Variants in UTRN observed in about 807,000 individuals in gnomAD.
The protein encoded by UTRN is dystrophin-related protein 1.
Under a neutral mutation model 463.9 loss-of-function variants are expected in UTRN, and 283 were observed. The observed-to-expected ratio is 0.61, with a 90% CI of 0.55 to 0.67. The LOEUF is 0.67. Among genes scored for constraint, UTRN ranks in the 30% least tolerant of loss-of-function variants. The pLI, the probability that UTRN is intolerant of heterozygous loss-of-function variation, is 0.00. For synonymous variants in UTRN, 1,442 were observed against 1,431.5 expected (o/e 1.01, Z -0.17); for missense variants, 3,922 against 4,084.3 (o/e 0.96, Z 1.08).
At chr6:144,341,337 T>C (rs1281571311) in intron 2 of UTRN, among the ~76,000 whole-genome samples, 2 of 152,242 alleles carry the variant, frequency 1.3e-5, no homozygotes, top group South Asian at 2.1e-4. Context: ...TGTATAGTTT[T>C]TGTTCTGTTT....
At chr6:144,782,171 T>C (rs1200513050) in intron 61 of UTRN, 48 bp downstream of exon 61, 2 of 1,453,274 alleles carry the variant, frequency 1.4e-6, no homozygotes, top group Middle Eastern at 1.8e-4. Context: ...GAATGAAATA[T>C]GTTAATAGAA....
intron 34 of UTRN, among the ~76,000 whole-genome samples, chr6:144,503,746 A>G (rs1794441091): frequency 6.6e-6 from 1 of 152,154 alleles, no homozygotes; most frequent in Non-Finnish European, 1.5e-5. Context: ...TTGTTTCCAT[A>G]TGAAATTTAC....
chr6:144,842,841 C>CA (rs1781705514), intron 73 of UTRN, among the ~76,000 whole-genome samples: 2 of 151,754 alleles, frequency 1.3e-5, no homozygotes, highest in Non-Finnish European at 2.9e-5. Context: ...CACATGCATG[C>CA]ATGTGCACAC....
intron 44 of UTRN, among the ~76,000 whole-genome samples, chr6:144,538,686 A>G (rs1797748776): frequency 6.6e-6 from 1 of 152,096 alleles, no homozygotes; most frequent in East Asian, 1.9e-4. Flanking sequence ...AAAAAAAAAA[A>G]AGAAATTATG....
rs942994251 is a variant in UTRN at position 144,404,272 on chromosome 6, G to A, written c.141+1088G>A. ...AAATACAGAGAATTAGAACATAAAG[G>A]TGCTTGCATAATTGGCAGTTATATG... On this transcript the variant is annotated intron_variant, in intron 3 of 74. Transcript: ENST00000367545. 7.9e-5 allele frequency among the ~76,000 whole-genome samples: 12 copies of A among 152,140 alleles called. No homozygotes were observed. In the East Asian group the frequency reaches 2.3e-3, roughly 29 times the overall value.
rs61418377 is a variant in UTRN at position 144,672,603 on chromosome 6, T to G, written c.7480-5803T>G. ...AATGGTCTATCAGTTTTATTTATCT[T>G]TTCAAAGAACCAGCTCTTTGTTTCA... On this transcript the variant is annotated intron_variant, in intron 51 of 74. Transcript: ENST00000367545. Among the ~76,000 whole-genome samples, 409 of 152,204 alleles carry G rather than the reference T, an allele frequency of 2.7e-3. 15 individuals are homozygous for G. The East Asian group carries it at 0.057, about 21-fold the overall frequency.
At chr6:144,406,518 C>T (rs1284741138) in intron 3 of UTRN, among the ~76,000 whole-genome samples, 2 of 152,088 alleles carry the variant, frequency 1.3e-5, no homozygotes, top group Admixed American at 1.3e-4. Flanking sequence ...GGGCGCATGT[C>T]ACCATGCCCA....
chr6:144,547,837 G>T (rs1326644380), intron 46 of UTRN, among the ~76,000 whole-genome samples: 1 of 152,050 alleles, frequency 6.6e-6, no homozygotes, highest in African/African-American at 2.4e-5. Flanking sequence ...CCAGAAATTT[G>T]AATTAATGAT....
Position 144,803,077 on chromosome 6 carries a change from G to A in UTRN, c.9287G>A (p.Ser3096Asn). Residue 3096 changes from serine to asparagine, a missense_variant, in exon 65 of 75, where the codon AGT (serine) becomes AAT (asparagine). Ser to Asn is a conservative substitution (Grantham distance 46). Transcript: ENST00000367545. ...LKHFNYDVCQ[S>N]CFFSGRTAKG... ...CATTTTAACTATGATGTCTGCCAGA[G>A]TTGTTTCTTTTCGGGTCGAACAGCA... 6.3e-7 allele frequency: 1 copy of A among 1,593,340 alleles called. No homozygotes were observed. Among genetic ancestry groups the A allele is most frequent in the Non-Finnish European group, 8.5e-7 (1 of 1,170,780 alleles).
intron 2 of UTRN, among the ~76,000 whole-genome samples, chr6:144,349,077 C>T (rs1251982196): frequency 1.3e-5 from 2 of 151,888 alleles, no homozygotes; most frequent in African/African-American, 4.8e-5. Flanking sequence ...GATGGGATCT[C>T]GGCTCACTGC....
intron 54 of UTRN, among the ~76,000 whole-genome samples, chr6:144,735,051 C>T (rs1411039370): frequency 6.6e-6 from 1 of 152,116 alleles, no homozygotes; most frequent in Non-Finnish European, 1.5e-5. Flanking sequence ...TGAAAGAATA[C>T]GCATGAGCTG....
chr6:144,567,635 C>T (rs1800524286), intron 50 of UTRN, among the ~76,000 whole-genome samples: 1 of 152,118 alleles, frequency 6.6e-6, no homozygotes, highest in Non-Finnish European at 1.5e-5. Flanking sequence ...AACAAAATTA[C>T]CTTGTGAAGG....
At chr6:144,421,813 C>T in intron 3 of UTRN, 65 bp from the exon 4 acceptor site, 1 of 1,244,936 alleles carries the variant, frequency 8.0e-7, no homozygotes, top group East Asian at 2.7e-5. Context: ...ATTTATTTGC[C>T]CAGGTATATA....
At chr6:144,529,024 C>T (rs1796804499) in intron 41 of UTRN, among the ~76,000 whole-genome samples, 1 of 152,102 alleles carries the variant, frequency 6.6e-6, no homozygotes, top group Non-Finnish European at 1.5e-5. Context: ...AGTTATGTTC[C>T]CAGGGGGATT....
intron 1 of UTRN, 107 bp from the exon 2 acceptor site, chr6:144,291,630 G>T: frequency 2.5e-6 from 1 of 398,810 alleles, no homozygotes. Context: ...TGCTTTACAC[G>T]TGGTAGGCAC....
intron 52 of UTRN, among the ~76,000 whole-genome samples, chr6:144,697,627 A>C (rs1413250717): frequency 6.6e-6 from 1 of 152,222 alleles, no homozygotes; most frequent in Non-Finnish European, 1.5e-5. Context: ...CTGGCAGATC[A>C]ACTTGCTTTT....
chr6:144,467,780 GT>G (rs956967137), intron 23 of UTRN, among the ~76,000 whole-genome samples: 2 of 151,804 alleles, frequency 1.3e-5, no homozygotes, highest in African/African-American at 4.8e-5. Flanking sequence ...AAGGGTTTGA[GT>G]TTTTTTTCTC....
intron 2 of UTRN, among the ~76,000 whole-genome samples, chr6:144,368,257 C>A (rs1779678149): frequency 6.6e-6 from 1 of 152,092 alleles, no homozygotes; most frequent in African/African-American, 2.4e-5. Flanking sequence ...TTTCTTTATC[C>A]TGCAGTGTGT....
chr6:144,362,712 A>G (rs185475608), intron 2 of UTRN, among the ~76,000 whole-genome samples: 6 of 152,338 alleles, frequency 3.9e-5, no homozygotes, highest in Admixed American at 6.5e-5. Context: ...ATAGTTTTAG[A>G]AATACGGTAG....
Sources: gnomAD v4.1 joint callset for allele counts (sites outside exome capture counted in the v4.1 genomes callset) on GRCh38, gnomAD v4.1.1 for gene constraint, MANE v1.5 for transcripts, NCBI Gene and HGNC (gene_info 2026-07-23, HGNC 2026-07-21) for gene names.